Variants in GRM5 observed in about 807,000 individuals in gnomAD.
GRM5 encodes glutamate metabotropic receptor 5.
In GRM5, 19 loss-of-function variants were observed where a neutral mutation model predicts 83.1. The observed-to-expected ratio is 0.23, with a 90% CI of 0.16 to 0.34. The LOEUF (loss-of-function observed/expected upper bound fraction) is 0.34, where lower values mean the gene tolerates loss of function less well. GRM5 is among the 10% of genes least tolerant of loss of function. The probability of loss-of-function intolerance (pLI) is 1.00; values close to 1 mark genes in which losing one functional copy is unlikely to be tolerated. For synonymous variants in GRM5, 675 were observed against 633.6 expected (o/e 1.07, Z -0.98); for missense variants, 1,160 against 1,588.3 (o/e 0.73, Z 4.58).
chr11:88,774,528 G>A (rs570757110), intron 3 of GRM5, among the ~76,000 whole-genome samples: 13 of 152,062 alleles, frequency 8.5e-5, no homozygotes, highest in Non-Finnish European at 1.5e-4. Flanking sequence ...GTCTTATGTC[G>A]GTTTTCAAAG....
intron 3 of GRM5, among the ~76,000 whole-genome samples, chr11:88,796,083 A>C (rs1403903771): frequency 6.6e-6 from 1 of 152,208 alleles, no homozygotes; most frequent in Non-Finnish European, 1.5e-5. Context: ...TACTGCTAGC[A>C]TAAACACTAT....
intron 2 of GRM5, among the ~76,000 whole-genome samples, chr11:89,033,306 AT>A (rs1278627029): frequency 6.7e-6 from 1 of 148,728 alleles, no homozygotes; most frequent in East Asian, 1.9e-4. Context: ...TCCAAGATTA[AT>A]ACTCTTTCCA....
intron 2 of GRM5, among the ~76,000 whole-genome samples, chr11:89,041,659 C>T (rs933937713): frequency 6.6e-6 from 1 of 152,200 alleles, no homozygotes; most frequent in African/African-American, 2.4e-5. Context: ...TCTAAACGCT[C>T]TTTCCAGAGC....
At chr11:88,994,819 A>G (rs1355711363) in intron 2 of GRM5, among the ~76,000 whole-genome samples, 1 of 152,018 alleles carries the variant, frequency 6.6e-6, no homozygotes, top group African/African-American at 2.4e-5. Flanking sequence ...ATTGATATCT[A>G]TAGAGCTTCC....
At chr11:88,786,315 C>T (rs772645247) in intron 3 of GRM5, among the ~76,000 whole-genome samples, 1 of 151,926 alleles carries the variant, frequency 6.6e-6, no homozygotes, top group African/African-American at 2.4e-5. Flanking sequence ...GACATTGCTC[C>T]CTTGCACCAC....
chr11:88,774,141 G>T lies in GRM5; in HGVS notation c.911+75765C>A, dbSNP rs531521842. ...CTTTTATTTCATTGAGCAGTGGTTT[G>T]TAGTTTTCCTTGAGGAGGTCCTTCA... On this transcript the variant is annotated intron_variant, in intron 3 of 9. Coordinates refer to ENST00000305447, the MANE Select transcript of GRM5 (RefSeq NM_001143831.3). Among the ~76,000 whole-genome samples, 13 of 152,262 alleles carry T rather than the reference G, an allele frequency of 8.5e-5. No individual in the cohort carries two copies. The East Asian group carries it at 2.5e-3, about 29-fold the overall frequency.
At chr11:88,930,843 A>ACT (rs1937679313) in intron 2 of GRM5, among the ~76,000 whole-genome samples, 1 of 152,044 alleles carries the variant, frequency 6.6e-6, no homozygotes, top group African/African-American at 2.4e-5. Context: ...ATGAGTCACC[A>ACT]CACTCGGCCT....
intron 4 of GRM5, among the ~76,000 whole-genome samples, chr11:88,642,060 C>T (rs1219314794): frequency 6.6e-6 from 1 of 152,142 alleles, no homozygotes; most frequent in African/African-American, 2.4e-5. Context: ...CAGGCTTCTG[C>T]TTGGGCACCC....
intron 2 of GRM5, among the ~76,000 whole-genome samples, chr11:88,886,750 C>T (rs1407847315): frequency 5.3e-5 from 8 of 152,178 alleles, no homozygotes. Context: ...TAATTTCCTC[C>T]TTTCCTGTCT....
At chr11:88,663,603 G>T (rs1010422270) in intron 3 of GRM5, among the ~76,000 whole-genome samples, 1 of 152,086 alleles carries the variant, frequency 6.6e-6, no homozygotes, top group Non-Finnish European at 1.5e-5. Flanking sequence ...CCTTTCTTAG[G>T]ATGATCTTCC....
intron 9 of GRM5, among the ~76,000 whole-genome samples, chr11:88,511,335 C>A (rs1463739735): frequency 6.6e-6 from 1 of 152,210 alleles, no homozygotes; most frequent in Non-Finnish European, 1.5e-5. Context: ...ACTGGCCCTG[C>A]AGGATCCACT....
At chr11:88,518,444 A>C (rs1324868639) in intron 9 of GRM5, among the ~76,000 whole-genome samples, 2 of 152,024 alleles carry the variant, frequency 1.3e-5, no homozygotes, top group Admixed American at 1.3e-4. Context: ...TTTTTTATAA[A>C]ATTAATTGGT....
chr11:88,943,117 A>G (rs1938166980), intron 2 of GRM5, among the ~76,000 whole-genome samples: 1 of 152,132 alleles, frequency 6.6e-6, no homozygotes, highest in Non-Finnish European at 1.5e-5. Flanking sequence ...ACTCTGCCTA[A>G]CAGGGCTTCA....
chr11:88,508,526 T>TTG lies in GRM5; in HGVS notation c.*64_*65dup, dbSNP rs147529131. The TTG allele has an allele frequency of 8.4e-6, 11 of 1,309,922 alleles. No homozygotes were observed. The highest frequency in any genetic ancestry group is 1.2e-5 in the Non-Finnish European group (11 of 924,366). The allele number at this position is 1,309,922 out of a possible 1,614,324, so 81.1% of individuals were successfully genotyped here. Reference sequence around the variant, plus strand: ...CGTAACCAGGCGACTATGCTTGCCATTGTGTGTGTGTGAACACGGGGGGCT... The same window carrying TTG: ...CGTAACCAGGCGACTATGCTTGCCATTGTGTGTGTGTGTGAACACGGGGGGCT... On this transcript the variant is annotated 3_prime_UTR_variant, in exon 10 of 10. Coordinates refer to ENST00000305447, the MANE Select transcript of GRM5 (RefSeq NM_001143831.3). The surrounding 1 kb of genome is among the most constrained non-coding windows in gnomAD (Gnocchi z 4.2).
chr11:88,803,347 A>G (rs952542666), intron 3 of GRM5, among the ~76,000 whole-genome samples: 149 of 152,170 alleles, frequency 9.8e-4, no homozygotes, highest in Admixed American at 1.9e-3. Context: ...GATATAGATC[A>G]ATGGAACAGA....
chr11:88,862,983 T>C (rs1183120166), intron 2 of GRM5, among the ~76,000 whole-genome samples: 2 of 152,194 alleles, frequency 1.3e-5, no homozygotes, highest in African/African-American at 2.4e-5. Flanking sequence ...AAAGAAGATA[T>C]TTATGCAGCC....
At chr11:88,701,479 C>G (rs1023766859) in intron 3 of GRM5, among the ~76,000 whole-genome samples, 1 of 152,106 alleles carries the variant, frequency 6.6e-6, no homozygotes, top group Non-Finnish European at 1.5e-5. Flanking sequence ...ACAATAGCAA[C>G]AGCTGAGGAC....
At chr11:88,759,425 T>C (rs1185502589) in intron 3 of GRM5, among the ~76,000 whole-genome samples, 3 of 152,014 alleles carry the variant, frequency 2.0e-5, no homozygotes, top group Non-Finnish European at 4.4e-5. Flanking sequence ...GGCATTGCAA[T>C]CCTAATTTCA....
intron 8 of GRM5, among the ~76,000 whole-genome samples, chr11:88,535,939 AAG>A (rs1418269077): frequency 6.6e-6 from 1 of 152,224 alleles, no homozygotes; most frequent in South Asian, 2.1e-4. Flanking sequence ...AGGAGCAAAA[AAG>A]AGAGAGATCG....
Sources: allele counts gnomAD v4.1 joint callset (sites outside exome capture counted in the v4.1 genomes callset), GRCh38; gene constraint gnomAD v4.1.1; non-coding constraint Gnocchi (gnomAD v3.1); transcripts MANE v1.5; gene names NCBI Gene and HGNC (gene_info 2026-07-23, HGNC 2026-07-21).